TLE1: variants seen among roughly 807,000 people sequenced by gnomAD.
TLE1 encodes the protein TLE family member 1, transcriptional corepressor, also known as transducin-like enhancer protein 1.
In TLE1, 21 loss-of-function variants were observed where a neutral mutation model predicts 89.8. That is an observed-to-expected ratio of 0.23 (90% confidence interval 0.17 to 0.34). The LOEUF (loss-of-function observed/expected upper bound fraction) is 0.34. Ranked by LOEUF, TLE1 falls within the 10% of genes least tolerant of loss-of-function variation. The pLI is 1.00. For synonymous variants in TLE1, 447 were observed against 407.6 expected (o/e 1.10, Z -1.16); for missense variants, 795 against 1,031.2 (o/e 0.77, Z 3.14).
At chr9:81,644,122 A>G (rs974541847) in intron 6 of TLE1, among the ~76,000 whole-genome samples, 2 of 152,194 alleles carry the variant, frequency 1.3e-5, no homozygotes, top group Admixed American at 6.5e-5. Context: ...GAGAAATTGG[A>G]ATTCTCGTAC....
chr9:81,584,111 C>T lies in TLE1; in HGVS notation c.*87G>A, dbSNP rs1237435610. 5 of 1,224,950 alleles carry T rather than the reference C, an allele frequency of 4.1e-6. No individual in the cohort carries two copies. The highest frequency in any genetic ancestry group is 4.0e-5 in the Admixed American group (2 of 50,262). The allele number at this position is 1,224,950 out of a possible 1,614,324, so 75.9% of individuals were successfully genotyped here. Reference sequence around the variant, plus strand: ...GAAACAGGTGTTTGTAATTTTTTTTCTCTTTTAAAGTTACAACTTTTCTAT... The same window carrying T: ...GAAACAGGTGTTTGTAATTTTTTTTTTCTTTTAAAGTTACAACTTTTCTAT... On this transcript the variant is annotated 3_prime_UTR_variant, in exon 20 of 20. Coordinates refer to ENST00000376499, the MANE Select transcript of TLE1 (RefSeq NM_005077.5).
In TLE1 at chr9:81,584,095, G is replaced by GTTTGTA; in HGVS notation, c.*97_*102dup. 1 of 1,037,442 alleles carries GTTTGTA rather than the reference G, an allele frequency of 9.6e-7. No individual in the cohort carries two copies. Among genetic ancestry groups the GTTTGTA allele is most frequent in the Non-Finnish European group, 1.5e-6 (1 of 688,324 alleles). 64.3% of individuals were successfully genotyped at this position (1,037,442 alleles called of 1,614,324 possible). A position where few individuals can be genotyped will look rare whatever the true frequency, so the allele number is the denominator to read the frequency against. ...TTTCTGTCAAGGTTTGGAAACAGGT[G>GTTTGTA]TTTGTAATTTTTTTTCTCTTTTAAA... is the stretch of plus-strand genomic sequence containing the variant. On this transcript the variant is annotated 3_prime_UTR_variant, in exon 20 of 20. Transcript: ENST00000376499.
chr9:81,635,595 G>A (rs900823179), intron 6 of TLE1, among the ~76,000 whole-genome samples: 3 of 152,084 alleles, frequency 2.0e-5, no homozygotes, highest in African/African-American at 7.2e-5. Context: ...AATTTCTAAG[G>A]TGCAATGTTA....
At chr9:81,686,444 GTGC>G (rs1179399156) in intron 2 of TLE1, among the ~76,000 whole-genome samples, 4 of 152,172 alleles carry the variant, frequency 2.6e-5, no homozygotes, top group Non-Finnish European at 5.9e-5. Flanking sequence ...AACACGGTGT[GTGC>G]AAGTATGCCT....
chr9:81,613,994 G>A (rs986134938), intron 11 of TLE1, among the ~76,000 whole-genome samples: 8 of 141,656 alleles, frequency 5.6e-5, no homozygotes, highest in African/African-American at 1.9e-4. Context: ...TACAAGCTCC[G>A]CCTCCCGGGT....
chr9:81,648,975 G>C (rs898587174), intron 6 of TLE1, among the ~76,000 whole-genome samples: 3 of 152,036 alleles, frequency 2.0e-5, no homozygotes, highest in African/African-American at 7.2e-5. Flanking sequence ...GTACACCTTT[G>C]CACTATAAAT....
intron 4 of TLE1, among the ~76,000 whole-genome samples, chr9:81,674,679 G>A (rs1177143501): frequency 6.6e-6 from 1 of 152,246 alleles, no homozygotes; most frequent in Non-Finnish European, 1.5e-5. Flanking sequence ...AGAACAAAGA[G>A]AGGAGGACTT....
intron 2 of TLE1, among the ~76,000 whole-genome samples, chr9:81,686,233 C>T (rs761568746): frequency 3.3e-5 from 5 of 152,198 alleles, no homozygotes; most frequent in Non-Finnish European, 5.9e-5. Flanking sequence ...CACCAAAATC[C>T]GGCCCTTGCA....
At position 81,660,712 on chromosome 9, in the gene TLE1, A is replaced by G. The variant is rs912699455; in HGVS notation, c.235-6676T>C. 5.3e-5 allele frequency among the ~76,000 whole-genome samples: 8 copies of G among 150,430 alleles called. No homozygotes were observed. In the East Asian group the frequency reaches 1.4e-3, roughly 27 times the overall value. On this transcript the variant is annotated intron_variant, in intron 4 of 19. Transcript: ENST00000376499. ...ATTACAGGCATGAGCCACCATGCCC[A>G]GCTACATGTATGTTTTAACTGAGCA...
chr9:81,688,910 G>C lies in TLE1; in HGVS notation c.-670C>G, dbSNP rs1834704569. ...AGCGACGGATGACGAGGCGGGGAAA[G>C]TGCGGAGGGCGCGCCGGGAGGCGGC... On this transcript the variant is annotated 5_prime_UTR_variant, in exon 1 of 20. Transcript: ENST00000376499. 1 of 152,442 alleles carries C rather than the reference G, an allele frequency of 6.6e-6. No homozygotes were observed. The highest frequency in any genetic ancestry group is 2.4e-5 in the African/African-American group (1 of 41,462). 9.4% of individuals were successfully genotyped at this position (152,442 alleles called of 1,614,324 possible). A position where few individuals can be genotyped will look rare whatever the true frequency, so the allele number is the denominator to read the frequency against.
chr9:81,597,427 C>A (rs78237454), intron 14 of TLE1, among the ~76,000 whole-genome samples: 14,259 of 152,142 alleles, frequency 0.094, 861 homozygotes, highest in Non-Finnish European at 0.14. Context: ...ACAAAAAATA[C>A]AAAATTCTTA....
chr9:81,658,547 G>C (rs1000212277), intron 4 of TLE1, among the ~76,000 whole-genome samples: 3 of 152,138 alleles, frequency 2.0e-5, no homozygotes, highest in East Asian at 1.9e-4. Flanking sequence ...CTTGACTTTT[G>C]AGCCAGAAAA....
intron 8 of TLE1, 169 bp from the exon 9 acceptor site, chr9:81,620,726 C>T (rs910823059): frequency 1.0e-6 from 1 of 985,382 alleles, no homozygotes. Context: ...TACAGGTTTA[C>T]ACACTTAAAA....
At chr9:81,665,143 A>T (rs1311784000) in intron 4 of TLE1, among the ~76,000 whole-genome samples, 1 of 152,206 alleles carries the variant, frequency 6.6e-6, no homozygotes, top group African/African-American at 2.4e-5. Context: ...GCCCTCTCAC[A>T]CATTTTTACA....
chr9:81,686,888 A>G (rs1834357918), intron 2 of TLE1, among the ~76,000 whole-genome samples: 1 of 152,178 alleles, frequency 6.6e-6, no homozygotes, highest in Non-Finnish European at 1.5e-5. Flanking sequence ...TGTTATAAGC[A>G]TCTAGCCTTC....
chr9:81,613,141 G>A (rs1485702929), intron 12 of TLE1, among the ~76,000 whole-genome samples: 1 of 152,214 alleles, frequency 6.6e-6, no homozygotes, highest in Non-Finnish European at 1.5e-5. Context: ...GCGAGACTTC[G>A]TCTCAAGAAA....
chr9:81,684,818 C>A (rs950731348), intron 4 of TLE1, among the ~76,000 whole-genome samples: 4 of 152,156 alleles, frequency 2.6e-5, no homozygotes, highest in Admixed American at 1.3e-4. Flanking sequence ...CAGCGTATCT[C>A]CAGAATACTT....
At chr9:81,658,783 A>C (rs1210015892) in intron 4 of TLE1, among the ~76,000 whole-genome samples, 2 of 152,236 alleles carry the variant, frequency 1.3e-5, no homozygotes, top group Admixed American at 1.3e-4. Context: ...GCAGCAGCAT[A>C]CAAACTGGCA....
intron 8 of TLE1, among the ~76,000 whole-genome samples, chr9:81,622,915 T>A (rs1825458777): frequency 6.6e-6 from 1 of 152,160 alleles, no homozygotes; most frequent in Non-Finnish European, 1.5e-5. Flanking sequence ...CCCGGCAGGC[T>A]TTCCACCTAA....
Sources: gnomAD v4.1 joint callset for allele counts (sites outside exome capture counted in the v4.1 genomes callset) on GRCh38, gnomAD v4.1.1 for gene constraint, MANE v1.5 for transcripts, NCBI Gene and HGNC (gene_info 2026-07-23, HGNC 2026-07-21) for gene names.